ARSB: variants seen among roughly 807,000 people sequenced by gnomAD.
The protein encoded by ARSB is N-acetylgalactosamine-4-sulfatase.
ARSB carries 41 observed loss-of-function variants against 50.9 expected under a neutral mutation model. That is an observed-to-expected ratio of 0.81 (90% CI 0.63 to 1.04). ARSB has a LOEUF of 1.04. Among genes scored for constraint, ARSB ranks in the 50% least tolerant of loss-of-function variants. The probability of loss-of-function intolerance (pLI) is 0.00; values close to 1 mark genes in which losing one functional copy is unlikely to be tolerated. For synonymous variants in ARSB, 269 were observed against 284.8 expected (o/e 0.94, Z 0.56); for missense variants, 672 against 693.3 (o/e 0.97, Z 0.35).
chr5:78,850,669 G>T (rs544932327), intron 5 of ARSB, among the ~76,000 whole-genome samples: 4 of 152,270 alleles, frequency 2.6e-5, no homozygotes, highest in African/African-American at 7.2e-5. Context: ...GTAGAATTTG[G>T]TTGTGAATCC....
intron 3 of ARSB, among the ~76,000 whole-genome samples, chr5:78,963,532 A>G (rs1752086027): frequency 6.6e-6 from 1 of 152,172 alleles, no homozygotes. Flanking sequence ...TAATGAAGCC[A>G]TATTTTGAGC....
intron 6 of ARSB, among the ~76,000 whole-genome samples, chr5:78,811,659 C>T (rs979350472): frequency 9.2e-5 from 14 of 152,208 alleles, no homozygotes; most frequent in African/African-American, 3.1e-4. Flanking sequence ...AGATTGCCTA[C>T]ATCCACTGCA....
intron 4 of ARSB, among the ~76,000 whole-genome samples, chr5:78,945,179 C>G (rs971087550): frequency 6.6e-5 from 10 of 152,166 alleles, no homozygotes; most frequent in African/African-American, 2.4e-4. Context: ...CGTCTGTCAC[C>G]CCTTTCTTTG....
intron 4 of ARSB, among the ~76,000 whole-genome samples, chr5:78,930,727 G>A (rs1186197835): frequency 6.6e-6 from 1 of 152,194 alleles, no homozygotes; most frequent in Non-Finnish European, 1.5e-5. Context: ...TTGATGCTTT[G>A]TACCTAACTG....
rs1315265113 is a variant in ARSB at position 78,835,729 on chromosome 5, CTCCTTTGAGG to C, written c.1213+3617_1213+3626del. Among the ~76,000 whole-genome samples, 406 of 152,302 alleles carry C rather than the reference CTCCTTTGAGG, an allele frequency of 2.7e-3. 3 individuals carry two copies. In the East Asian group the frequency reaches 0.035, roughly 13 times the overall value. ...GAGAGAAGCAGAGTAAGCAGCTTTGCTCCTTTGAGGTCCCATTCATATAGAGACCCACAGA... is the reference window on the plus strand; with the variant it reads ...GAGAGAAGCAGAGTAAGCAGCTTTGCTCCCATTCATATAGAGACCCACAGA... On this transcript the variant is annotated intron_variant, in intron 6 of 7. Transcript: ENST00000264914.
At position 78,842,213 on chromosome 5, in the gene ARSB, G is replaced by A. The variant is rs537711367; in HGVS notation, c.1143-2787C>T. On this transcript the variant is annotated intron_variant, in intron 5 of 7. Coordinates refer to ENST00000264914, the MANE Select transcript of ARSB (RefSeq NM_000046.5). Reference sequence around the variant, plus strand: ...ACTGCAACCAAGAAGGTGGGTTCAAGTCACCTGGAGAAGACAATCTGGGGG... The same window carrying A: ...ACTGCAACCAAGAAGGTGGGTTCAAATCACCTGGAGAAGACAATCTGGGGG... Among the ~76,000 whole-genome samples the A allele has an allele frequency of 2.0e-5, 3 of 152,230 alleles. No individual in the cohort carries two copies. The South Asian group carries it at 6.2e-4, about 32-fold the overall frequency.
intron 4 of ARSB, among the ~76,000 whole-genome samples, chr5:78,950,460 T>A (rs1357376017): frequency 6.6e-6 from 1 of 152,158 alleles, no homozygotes; most frequent in African/African-American, 2.4e-5. Context: ...TTACCTCCTC[T>A]ACTTCTGTGT....
intron 1 of ARSB, among the ~76,000 whole-genome samples, chr5:78,982,737 C>T (rs1036571933): frequency 4.6e-5 from 7 of 152,186 alleles, no homozygotes; most frequent in Non-Finnish European, 7.3e-5. Flanking sequence ...CCTGAGCCTT[C>T]CCTGAAATTT....
At chr5:78,971,914 T>C (rs1368630942) in intron 1 of ARSB, among the ~76,000 whole-genome samples, 2 of 152,226 alleles carry the variant, frequency 1.3e-5, no homozygotes, top group South Asian at 2.1e-4. Flanking sequence ...TGTTTAAAAA[T>C]AAAAGTGAGT....
intron 3 of ARSB, among the ~76,000 whole-genome samples, chr5:78,960,799 A>G (rs1298171823): frequency 6.6e-6 from 1 of 152,076 alleles, no homozygotes; most frequent in East Asian, 1.9e-4. Flanking sequence ...TCCTAACCTC[A>G]CAATCCACCC....
At chr5:78,844,734 ATCT>A (rs1714734285) in intron 5 of ARSB, among the ~76,000 whole-genome samples, 1 of 152,026 alleles carries the variant, frequency 6.6e-6, no homozygotes, top group Non-Finnish European at 1.5e-5. Context: ...CAACTTCATT[ATCT>A]TCTTTTTTTA....
At chr5:78,972,685 T>TA (rs199906569) in intron 1 of ARSB, among the ~76,000 whole-genome samples, 2,791 of 152,246 alleles carry the variant, frequency 0.018, 43 homozygotes, top group South Asian at 0.06. Flanking sequence ...TTTTATGGAA[T>TA]CCAAAAGCCC....
intron 1 of ARSB, 93 bp downstream of exon 1, chr5:78,984,844 C>T: frequency 2.8e-6 from 3 of 1,076,794 alleles, no homozygotes; most frequent in Non-Finnish European, 3.5e-6. Context: ...GCCCCGCCTG[C>T]CAGCGCCCGC....
intron 1 of ARSB, among the ~76,000 whole-genome samples, chr5:78,975,798 T>C (rs1212483584): frequency 6.6e-6 from 1 of 152,210 alleles, no homozygotes; most frequent in Non-Finnish European, 1.5e-5. Flanking sequence ...ATTTGATCAT[T>C]TAATTGTCCA....
chr5:78,984,241 A>G (rs1296847935), intron 1 of ARSB, among the ~76,000 whole-genome samples: 1 of 152,200 alleles, frequency 6.6e-6, no homozygotes, highest in African/African-American at 2.4e-5. Context: ...TGCTATGCAA[A>G]TGTTCTTGAT....
At chr5:78,932,376 A>G (rs337888) in intron 4 of ARSB, among the ~76,000 whole-genome samples, 89,793 of 152,190 alleles carry the variant, frequency 0.59, 26,859 homozygotes, top group East Asian at 0.71. Context: ...AGTGTAAGAG[A>G]CAAGGCTAAG....
intron 6 of ARSB, among the ~76,000 whole-genome samples, chr5:78,832,286 T>C (rs1561446326): frequency 6.6e-6 from 1 of 152,100 alleles, no homozygotes; most frequent in Non-Finnish European, 1.5e-5. Context: ...TGGTGCTGAA[T>C]GGTGGGCGTT....
chr5:78,871,396 C>G (rs939427936), intron 5 of ARSB, among the ~76,000 whole-genome samples: 4 of 151,368 alleles, frequency 2.6e-5, no homozygotes, highest in African/African-American at 9.7e-5. Flanking sequence ...GGAGGCATCA[C>G]ACTACCTGAC....
At chr5:78,936,423 C>T (rs2112412182) in intron 4 of ARSB, among the ~76,000 whole-genome samples, 1 of 150,892 alleles carries the variant, frequency 6.6e-6, no homozygotes, top group African/African-American at 2.4e-5. Context: ...TGTGCCTGGC[C>T]AGGGTCTTTA....
Sources: gnomAD v4.1 joint callset for allele counts (sites outside exome capture counted in the v4.1 genomes callset) on GRCh38, gnomAD v4.1.1 for gene constraint, MANE v1.5 for transcripts, NCBI Gene and HGNC (gene_info 2026-07-23, HGNC 2026-07-21) for gene names.